PRPSAP2: variants seen among roughly 807,000 people sequenced by gnomAD.
The protein encoded by PRPSAP2 is phosphoribosyl pyrophosphate synthase-associated protein 2.
PRPSAP2 carries 24 observed loss-of-function variants against 40.6 expected under a neutral mutation model. The observed-to-expected ratio is 0.59, with a 90% CI of 0.43 to 0.83. The LOEUF is 0.83. Among genes scored for constraint, PRPSAP2 ranks in the 40% least tolerant of loss-of-function variants. The pLI, the probability that PRPSAP2 is intolerant of heterozygous loss-of-function variation, is 0.00. For missense variants in PRPSAP2, 292 were observed against 465.6 expected (o/e 0.63, Z 3.43); for synonymous variants, 149 against 164.7 (o/e 0.90, Z 0.73).
intron 8 of PRPSAP2, among the ~76,000 whole-genome samples, chr17:18,906,092 A>G (rs893049482): frequency 3.9e-5 from 6 of 152,178 alleles, no homozygotes; most frequent in African/African-American, 1.4e-4. Context: ...ACTGTTTTTG[A>G]CCTGAACAGT....
rs371205769 is a variant in PRPSAP2 at position 18,882,051 on chromosome 17, GGCTGGC to G, written c.413-515_413-510del. 5.1e-4 allele frequency among the ~76,000 whole-genome samples: 77 copies of G among 149,628 alleles called. 1 individual carries two copies. The East Asian group carries it at 7.9e-3, about 15-fold the overall frequency. ...AGATGGGGTTTCATCATATTGGTCA[GGCTGGC>G]GTTGAACTCCTGACCTTGTGATCCA... On this transcript the variant is annotated intron_variant, in intron 6 of 11. Coordinates refer to ENST00000268835, the MANE Select transcript of PRPSAP2 (RefSeq NM_002767.4).
At chr17:18,890,272 C>T (rs527618485) in intron 8 of PRPSAP2, among the ~76,000 whole-genome samples, 25 of 152,004 alleles carry the variant, frequency 1.6e-4, no homozygotes, top group Middle Eastern at 3.4e-3. Context: ...TGGGTTCAAG[C>T]GATTCTCCTG....
At chr17:18,898,706 A>G (rs546965344) in intron 8 of PRPSAP2, among the ~76,000 whole-genome samples, 2 of 152,300 alleles carry the variant, frequency 1.3e-5, no homozygotes, top group South Asian at 2.1e-4. Flanking sequence ...AAGTTTAATT[A>G]TGATATATCT....
intron 8 of PRPSAP2, chr17:18,908,818 C>A: frequency 1.4e-6 from 1 of 717,482 alleles, no homozygotes; most frequent in South Asian, 1.4e-5. Context: ...GCTAGAAGCT[C>A]TTTTGGTGGA....
intron 9 of PRPSAP2, among the ~76,000 whole-genome samples, chr17:18,912,616 C>T (rs1450260875): frequency 1.3e-5 from 2 of 152,172 alleles, no homozygotes; most frequent in Non-Finnish European, 2.9e-5. Context: ...ATGGGTAAGA[C>T]TCCAGCTCTG....
intron 10 of PRPSAP2, 157 bp from the exon 11 acceptor site, chr17:18,928,654 C>A (rs527994973): frequency 1.1e-6 from 1 of 878,736 alleles, no homozygotes; most frequent in East Asian, 2.9e-5. Flanking sequence ...CCATGGGGCA[C>A]GGTGATGGGG....
At chr17:18,918,775 C>T (rs953050207) in intron 9 of PRPSAP2, among the ~76,000 whole-genome samples, 12 of 151,906 alleles carry the variant, frequency 7.9e-5, no homozygotes, top group African/African-American at 1.9e-4. Context: ...ACACTGGGAA[C>T]GGGGTGGGGA....
intron 4 of PRPSAP2, among the ~76,000 whole-genome samples, chr17:18,867,732 G>A (rs181882491): frequency 3.3e-5 from 5 of 152,264 alleles, no homozygotes; most frequent in African/African-American, 1.2e-4. Context: ...GTCTTTATTT[G>A]CACCTAAGCT....
At chr17:18,896,094 G>A (rs960386529) in intron 8 of PRPSAP2, among the ~76,000 whole-genome samples, 43 of 152,264 alleles carry the variant, frequency 2.8e-4, no homozygotes, top group African/African-American at 1.0e-3. Context: ...TTGTTTGCAT[G>A]CCTTGTACAT....
chr17:18,875,934 G>A (rs1456604773), intron 5 of PRPSAP2, among the ~76,000 whole-genome samples: 4 of 151,426 alleles, frequency 2.6e-5, no homozygotes, highest in Admixed American at 2.0e-4. Context: ...GGGAGTTCAA[G>A]ACCAGCCTGA....
intron 9 of PRPSAP2, among the ~76,000 whole-genome samples, chr17:18,917,697 A>G (rs1335395791): frequency 6.9e-6 from 1 of 143,984 alleles, no homozygotes; most frequent in African/African-American, 2.6e-5. Context: ...TCGGCCTCCC[A>G]ATGTGCTGGG....
intron 8 of PRPSAP2, among the ~76,000 whole-genome samples, chr17:18,897,991 C>CTTTTTTTTTTTT (rs71155370): frequency 1.7e-5 from 2 of 116,332 alleles, no homozygotes; most frequent in Non-Finnish European, 3.5e-5. Flanking sequence ...AGAATTTTTG[C>CTTTTTTTTTTTT]TTTTTTTTTT....
At chr17:18,901,952 T>C (rs1462913837) in intron 8 of PRPSAP2, among the ~76,000 whole-genome samples, 2 of 152,126 alleles carry the variant, frequency 1.3e-5, no homozygotes, top group Admixed American at 1.3e-4. Context: ...CAGCTGGTTT[T>C]TTCCTTATTT....
At position 18,867,366 on chromosome 17, in the gene PRPSAP2, C is replaced by T. The variant is rs201787142; in HGVS notation, c.172+32C>T. 231 of 1,608,252 alleles carry T rather than the reference C, an allele frequency of 1.4e-4. No homozygotes were observed. The East Asian group carries it at 4.9e-3, about 34-fold the overall frequency. ...TATCTTGGGCATGTGGAACATTGAC[C>T]TTTTTGTGAAATGTGGCATATTGGC... On this transcript the variant is annotated intron_variant, in intron 4 of 11. Coordinates refer to ENST00000268835, the MANE Select transcript of PRPSAP2 (RefSeq NM_002767.4).
intron 4 of PRPSAP2, 129 bp from the exon 5 acceptor site, chr17:18,872,454 C>G (rs2037960633): frequency 1.5e-6 from 1 of 686,434 alleles, no homozygotes; most frequent in Non-Finnish European, 2.5e-6. Context: ...CATCTAAAGC[C>G]TACTGAGTCT....
At chr17:18,914,423 ATT>A (rs35469900) in intron 9 of PRPSAP2, among the ~76,000 whole-genome samples, 9 of 135,016 alleles carry the variant, frequency 6.7e-5, no homozygotes, top group Admixed American at 2.2e-4. Context: ...GGCCTGGCTA[ATT>A]TTTTTTTTTT....
Position 18,885,618 on chromosome 17 carries a change from G to A in PRPSAP2, c.528+2935G>A, listed in dbSNP as rs150736789. ...TTGTTTTTTTTTGAGATGGAGTTTC[G>A]CTCTTGTTGCCCAGGCTGGAGTGCA... On this transcript the variant is annotated intron_variant, in intron 7 of 11. Coordinates refer to ENST00000268835, the MANE Select transcript of PRPSAP2 (RefSeq NM_002767.4). 2.8e-3 allele frequency among the ~76,000 whole-genome samples: 422 copies of A among 151,358 alleles called. 2 individuals carry two copies. The highest frequency in any genetic ancestry group is 9.8e-3 in the African/African-American group (403 of 41,222).
chr17:18,859,757 A>G (rs559429166), intron 1 of PRPSAP2: 1 of 151,722 alleles, frequency 6.6e-6, no homozygotes, highest in East Asian at 1.9e-4. Context: ...TTTTATTTTT[A>G]TTTTTTTTGC....
chr17:18,859,068 C>G (rs2036812055), intron 1 of PRPSAP2, among the ~76,000 whole-genome samples: 1 of 151,848 alleles, frequency 6.6e-6, no homozygotes, highest in African/African-American at 2.4e-5. Context: ...TATTGAATTT[C>G]TATTCTGTGT....
Sources: gnomAD v4.1 joint callset for allele counts (sites outside exome capture counted in the v4.1 genomes callset) on GRCh38, gnomAD v4.1.1 for gene constraint, MANE v1.5 for transcripts, NCBI Gene and HGNC (gene_info 2026-07-23, HGNC 2026-07-21) for gene names.